DAB2IP: variants seen among roughly 807,000 people sequenced by gnomAD.
The protein encoded by DAB2IP is disabled homolog 2-interacting protein.
In DAB2IP, 28 loss-of-function variants were observed where a neutral mutation model predicts 107.2. The observed-to-expected ratio is 0.26, with a 90% CI of 0.19 to 0.36. The LOEUF (loss-of-function observed/expected upper bound fraction) is 0.36. Ranked by LOEUF, DAB2IP falls within the 10% of genes least tolerant of loss-of-function variation. The pLI, the probability that DAB2IP is intolerant of heterozygous loss-of-function variation, is 1.00. For synonymous variants in DAB2IP, 755 were observed against 706.4 expected (o/e 1.07, Z -1.09); for missense variants, 1,400 against 1,644.7 (o/e 0.85, Z 2.57).
chr9:121,695,809 T>C (rs897414118), intron 2 of DAB2IP, among the ~76,000 whole-genome samples: 6 of 152,240 alleles, frequency 3.9e-5, no homozygotes, highest in African/African-American at 7.2e-5. Context: ...ATGGCTTTTG[T>C]TGAGCACTTA....
chr9:121,633,012 C>T lies in DAB2IP; in HGVS notation c.41-45666C>T, dbSNP rs1414371446. Among the ~76,000 whole-genome samples, 1 of 152,240 alleles carries T rather than the reference C, an allele frequency of 6.6e-6. No homozygotes were observed. Among genetic ancestry groups the T allele is most frequent in the African/African-American group, 2.4e-5 (1 of 41,472 alleles). ...CAACCCTGCTCAGCTTCCCTCTCTC[C>T]CAGACTGAGGGGTTCCAGCTGCTCC... On this transcript the variant is annotated intron_variant, in intron 1 of 16. Coordinates refer to the DAB2IP transcript ENST00000259371. This position sits in a 1 kb window ranked among gnomAD's most constrained non-coding sequence, Gnocchi z 5.1.
Position 121,763,509 on chromosome 9 carries a change from TC to T in DAB2IP, c.1177del (p.Leu393Ter). 6.2e-7 allele frequency: 1 copy of T among 1,612,362 alleles called. No homozygotes were observed. Among genetic ancestry groups the T allele is most frequent in the Non-Finnish European group, 8.5e-7 (1 of 1,179,238 alleles). On this transcript the variant is annotated frameshift_variant, in exon 7 of 16. Transcript: ENST00000408936. LOFTEE classifies it high-confidence loss of function. ...CTCCACCTCCTGCCTCCCCAGGACT[TC>T]CTGACAGACCTGATGATGTCAGAGG...
In DAB2IP at chr9:121,782,880, AG is replaced by A. The variant is rs1228119216; in HGVS notation, c.*388del. 9 of 1,044,588 alleles carry A rather than the reference AG, an allele frequency of 8.6e-6. No homozygotes were observed. Among genetic ancestry groups the A allele is most frequent in the Non-Finnish European group, 1.0e-5 (9 of 867,662 alleles). The allele number at this position is 1,044,588 out of a possible 1,614,324, so 64.7% of individuals were successfully genotyped here. On this transcript the variant is annotated 3_prime_UTR_variant, in exon 16 of 16. Transcript: ENST00000408936. This position sits in a 1 kb window ranked among gnomAD's most constrained non-coding sequence, Gnocchi z 6.1. ...CTGTGCCAGGGAGGGGGCTTCCTGG[AG>A]GGGGGATTCAAGGGCTAGGGGCCTA...
At chr9:121,657,115 G>A (rs1042169153) in intron 1 of DAB2IP, among the ~76,000 whole-genome samples, 5 of 152,190 alleles carry the variant, frequency 3.3e-5, no homozygotes, top group African/African-American at 1.2e-4. Flanking sequence ...GCCTGCCCCT[G>A]CCCCCTGGAT....
At chr9:121,584,928 G>C (rs868115539) in intron 1 of DAB2IP, among the ~76,000 whole-genome samples, 33 of 152,106 alleles carry the variant, frequency 2.2e-4, no homozygotes, top group African/African-American at 8.0e-4. Context: ...GGGTCTTTCT[G>C]CATTTCCCCA....
intron 15 of DAB2IP, among the ~76,000 whole-genome samples, chr9:121,781,794 A>G (rs1257735315): frequency 6.6e-6 from 1 of 151,722 alleles, no homozygotes; most frequent in Non-Finnish European, 1.5e-5. Flanking sequence ...GTCTTTCACC[A>G]GGACTGCTGA....
At chr9:121,668,068 C>G (rs1472017450) in intron 1 of DAB2IP, among the ~76,000 whole-genome samples, 1 of 152,254 alleles carries the variant, frequency 6.6e-6, no homozygotes, top group South Asian at 2.1e-4. Flanking sequence ...GGGGAAACCG[C>G]CCCCATGATC....
At chr9:121,591,900 A>G (rs1830428429) in intron 1 of DAB2IP, among the ~76,000 whole-genome samples, 2 of 152,224 alleles carry the variant, frequency 1.3e-5, no homozygotes, top group Admixed American at 6.5e-5. Flanking sequence ...AAGGAGGAGA[A>G]GTGACCAGAG....
chr9:121,588,935 T>C (rs1037760600), intron 1 of DAB2IP, among the ~76,000 whole-genome samples: 3 of 151,190 alleles, frequency 2.0e-5, no homozygotes, highest in African/African-American at 7.3e-5. Context: ...CCTTTACTCC[T>C]GAAGAGGAGA....
At chr9:121,588,949 G>A (rs899233043) in intron 1 of DAB2IP, among the ~76,000 whole-genome samples, 2 of 151,346 alleles carry the variant, frequency 1.3e-5, no homozygotes. Flanking sequence ...GAGGAGATCC[G>A]GGTTGCACAT....
intron 1 of DAB2IP, among the ~76,000 whole-genome samples, chr9:121,604,320 C>A (rs1426507101): frequency 6.6e-6 from 1 of 152,206 alleles, no homozygotes; most frequent in Non-Finnish European, 1.5e-5. Context: ...GAGCAGCTGG[C>A]TGAGGGGGTC....
At position 121,782,537 on chromosome 9, in the gene DAB2IP, G is replaced by T; in HGVS notation, c.*39G>T. 1 of 1,602,834 alleles carries T rather than the reference G, an allele frequency of 6.2e-7. No homozygotes were observed. Among genetic ancestry groups the T allele is most frequent in the Non-Finnish European group, 8.5e-7 (1 of 1,171,970 alleles). On this transcript the variant is annotated 3_prime_UTR_variant, in exon 16 of 16. Transcript: ENST00000408936. The surrounding 1 kb of genome is among the most constrained non-coding windows in gnomAD (Gnocchi z 6.1). ...GGAGGAAGCTACCCAAGGAGAGGGG[G>T]ACTATGGTGGCCAAGGGCAGGGTCT...
At chr9:121,763,844 C>T (rs139934832) in exon 8 of DAB2IP, 8 of 1,614,008 alleles carry the variant, frequency 5.0e-6, no homozygotes, top group Non-Finnish European at 5.1e-6. Context: ...AGATGTGCTG[C>T]GAGCTGGCCT....
intron 2 of DAB2IP, among the ~76,000 whole-genome samples, chr9:121,680,580 T>G (rs1589504886): frequency 6.6e-6 from 1 of 152,210 alleles, no homozygotes; most frequent in Middle Eastern, 3.4e-3. Context: ...TTCTGATCTC[T>G]CTGGATCCCT....
intron 1 of DAB2IP, among the ~76,000 whole-genome samples, chr9:121,579,330 C>A (rs1295656040): frequency 3.3e-5 from 5 of 152,122 alleles, no homozygotes; most frequent in African/African-American, 1.2e-4. Context: ...TCCTACCCCC[C>A]CACCCTGAGG....
chr9:121,700,179 G>T (rs1469754038), intron 3 of DAB2IP, among the ~76,000 whole-genome samples: 1 of 152,224 alleles, frequency 6.6e-6, no homozygotes, highest in Non-Finnish European at 1.5e-5. Context: ...TGGGCCAGCC[G>T]GGAGCAGGTG....
chr9:121,744,026 G>A (rs1015891727), intron 3 of DAB2IP, among the ~76,000 whole-genome samples: 1 of 152,222 alleles, frequency 6.6e-6, no homozygotes, highest in Non-Finnish European at 1.5e-5. Context: ...TCCCCCAGGC[G>A]CGGTGTCCCC....
At chr9:121,717,133 C>A (rs976379661) in intron 3 of DAB2IP, among the ~76,000 whole-genome samples, 1 of 152,202 alleles carries the variant, frequency 6.6e-6, no homozygotes, top group Non-Finnish European at 1.5e-5. Context: ...ACCATAGATT[C>A]ACCCCTAGGT....
intron 3 of DAB2IP, among the ~76,000 whole-genome samples, chr9:121,709,566 T>G (rs1364052141): frequency 1.3e-5 from 2 of 152,204 alleles, no homozygotes; most frequent in Non-Finnish European, 2.9e-5. Context: ...AGCTCATAAG[T>G]GGCAGAGCTG....
Sources: allele counts gnomAD v4.1 joint callset (sites outside exome capture counted in the v4.1 genomes callset), GRCh38; gene constraint gnomAD v4.1.1; non-coding constraint Gnocchi (gnomAD v3.1); transcripts MANE v1.5; gene names NCBI Gene and HGNC (gene_info 2026-07-23, HGNC 2026-07-21).